SMIM27: variants seen among roughly 807,000 people sequenced by gnomAD.
SMIM27 encodes the protein transition zone microprotein 1.
Under a neutral mutation model 1.8 loss-of-function variants are expected in SMIM27, and 3 were observed. The observed-to-expected ratio is 1.65, with a 90% CI of 0.75 to 4.28. SMIM27 has a LOEUF of 4.28. Among genes scored for constraint, SMIM27 ranks in the 30% most tolerant of loss-of-function variants. SMIM27 has a pLI of 0.02. For missense variants in SMIM27, 63 were observed against 37.0 expected (o/e 1.70, Z -1.83); for synonymous variants, 19 against 13.9 (o/e 1.37, Z -0.82).
downstream of SMIM27, among the ~76,000 whole-genome samples, chr9:32,557,824 C>A (rs560791748): frequency 1.1e-4 from 17 of 152,296 alleles, no homozygotes; most frequent in South Asian, 1.9e-3. Flanking sequence ...GGACCGCTGG[C>A]CAGTTTTGGT....
At chr9:32,566,255 C>T (rs1385092507) in intron 1 of SMIM27, 1 of 1,059,070 alleles carries the variant, frequency 9.4e-7, no homozygotes, top group Middle Eastern at 2.0e-4. Flanking sequence ...TGGCAGACAA[C>T]ACTAATTTTA....
downstream of SMIM27, among the ~76,000 whole-genome samples, chr9:32,555,019 TGATTTGAGAGG>T (rs1320330343): frequency 2.0e-5 from 3 of 151,968 alleles, no homozygotes; most frequent in Non-Finnish European, 2.9e-5. Flanking sequence ...AAAAAGTGGC[TGATTTGAGAGG>T]CGACATAAAA....
At chr9:32,552,198 TTTTAACATTTTCTCGTTTATTCCCCTC>T (rs1428909022), upstream of SMIM27, 5 of 605,816 alleles carry the variant, frequency 8.3e-6, no homozygotes, top group African/African-American at 9.4e-5. Context: ...AAAAAGCAAT[TTTTAACATTTTCTCGTTTATTCCCCTC>T]TCTAAAAGGC....
chr9:32,563,491 C>CTTTTTTTTTTTTT (rs111646430), intron 1 of SMIM27, among the ~76,000 whole-genome samples: 21,520 of 87,532 alleles, frequency 0.25, 4,015 homozygotes, highest in Non-Finnish European at 0.31. Flanking sequence ...GACTATTGGG[C>CTTTTTTTTTTTTT]TTTTTTTTTT....
chr9:32,565,255 T>G (rs1002853031), intron 1 of SMIM27: 2 of 151,214 alleles, frequency 1.3e-5, no homozygotes, highest in Non-Finnish European at 2.9e-5. Context: ...ATCGCGCCAC[T>G]GCACTCCAGC....
At chr9:32,552,544 T>A (rs932089303) in intron 1 of SMIM27, 65 bp downstream of exon 1, 2 of 1,445,326 alleles carry the variant, frequency 1.4e-6, no homozygotes, top group Non-Finnish European at 1.9e-6. Context: ...GGAAAGGCCC[T>A]ATTTCTTCAG....
upstream of SMIM27, among the ~76,000 whole-genome samples, chr9:32,552,077 T>A (rs116407555): frequency 5.0e-3 from 752 of 150,388 alleles, 5 homozygotes; most frequent in African/African-American, 0.018. Flanking sequence ...TTTTTCAAAT[T>A]AACTTTTAAA....
At chr9:32,556,646 T>C (rs146702333), downstream of SMIM27, among the ~76,000 whole-genome samples, 43 of 152,324 alleles carry the variant, frequency 2.8e-4, no homozygotes, top group East Asian at 7.5e-3. Flanking sequence ...ATCCCTGATA[T>C]GGTCTTCTGA....
chr9:32,563,608 G>A (rs2119019177), intron 1 of SMIM27, among the ~76,000 whole-genome samples: 1 of 151,608 alleles, frequency 6.6e-6, no homozygotes, highest in East Asian at 1.9e-4. Context: ...ACAGGTGTGA[G>A]CCACTGTGCC....
chr9:32,553,475 C>G (rs1821361161), downstream of SMIM27: 1 of 197,430 alleles, frequency 5.1e-6, no homozygotes, highest in South Asian at 7.5e-5. Flanking sequence ...AGGCATGAGC[C>G]ACTGCGCCTG....
downstream of SMIM27, among the ~76,000 whole-genome samples, chr9:32,555,608 A>C (rs1821434375): frequency 6.6e-6 from 1 of 152,242 alleles, no homozygotes; most frequent in Admixed American, 6.5e-5. Context: ...ATGTTAAGGG[A>C]AATGGATGGA....
At chr9:32,552,232 A>C (rs1231088379), upstream of SMIM27, 1 of 672,510 alleles carries the variant, frequency 1.5e-6, no homozygotes, top group East Asian at 2.7e-5. Context: ...CCTCTCTAAA[A>C]GGCGGGCAAG....
At chr9:32,564,784 T>G (rs932321787) in intron 1 of SMIM27, among the ~76,000 whole-genome samples, 9 of 152,204 alleles carry the variant, frequency 5.9e-5, no homozygotes, top group Non-Finnish European at 5.9e-5. Flanking sequence ...GCCAGTGCAC[T>G]GAACAGCTTC....
In SMIM27 at chr9:32,566,143, A is replaced by G. The variant is rs1203598342; in HGVS notation, c.46-248A>G. 2.4e-5 allele frequency: 16 copies of G among 674,448 alleles called. No homozygotes were observed. The East Asian group carries it at 3.5e-4, about 15-fold the overall frequency. 41.8% of individuals were successfully genotyped at this position (674,448 alleles called of 1,614,324 possible). A position where few individuals can be genotyped will look rare whatever the true frequency, so the allele number is the denominator to read the frequency against. On this transcript the variant is annotated intron_variant, in intron 1 of 1. Coordinates refer to the SMIM27 transcript ENST00000451672. Reference sequence around the variant, plus strand: ...GAACAAAGACGAGAATATGGTGTGTATATGTCACTGGCGCTTTCACACAGG... The same window carrying G: ...GAACAAAGACGAGAATATGGTGTGTGTATGTCACTGGCGCTTTCACACAGG...
downstream of SMIM27, among the ~76,000 whole-genome samples, chr9:32,556,535 A>G (rs1438802342): frequency 6.6e-6 from 1 of 152,220 alleles, no homozygotes; most frequent in Non-Finnish European, 1.5e-5. Flanking sequence ...TTCTAAACAT[A>G]TATACAATGA....
intron 1 of SMIM27, among the ~76,000 whole-genome samples, chr9:32,559,514 T>TA (rs1378440729): frequency 6.6e-6 from 1 of 152,176 alleles, no homozygotes; most frequent in Non-Finnish European, 1.5e-5. Context: ...CTCCCTCACT[T>TA]ACTCTACTAC....
chr9:32,553,181 C>A, downstream of SMIM27: 3 of 315,348 alleles, frequency 9.5e-6, no homozygotes, highest in Non-Finnish European at 1.2e-5. Flanking sequence ...CTAAATTCTT[C>A]AAAAATGATT....
intron 1 of SMIM27, among the ~76,000 whole-genome samples, chr9:32,563,441 G>A (rs1207195832): frequency 6.7e-6 from 1 of 148,640 alleles, no homozygotes; most frequent in Non-Finnish European, 1.5e-5. Flanking sequence ...CACATCCTGG[G>A]CTCAAGCGAT....
intron 1 of SMIM27, among the ~76,000 whole-genome samples, chr9:32,560,075 A>G (rs1821584158): frequency 6.6e-6 from 1 of 152,252 alleles, no homozygotes; most frequent in Non-Finnish European, 1.5e-5. Context: ...TTTACGTGCT[A>G]AAAGGCAAAA....
Sources: gnomAD v4.1 joint callset for allele counts (sites outside exome capture counted in the v4.1 genomes callset) on GRCh38, gnomAD v4.1.1 for gene constraint, MANE v1.5 for transcripts, NCBI Gene and HGNC (gene_info 2026-07-23, HGNC 2026-07-21) for gene names.